Variants in DENND2B observed in about 807,000 individuals in gnomAD.
DENND2B encodes the protein DENN domain-containing protein 2B.
In DENND2B, 32 loss-of-function variants were observed where a neutral mutation model predicts 116.0. The ratio of observed to expected loss-of-function variants is 0.28; its 90% CI spans 0.21 to 0.37. The LOEUF is 0.37. DENND2B is among the 10% of genes least tolerant of loss of function. The probability of loss-of-function intolerance (pLI) is 1.00; values close to 1 mark genes in which losing one functional copy is unlikely to be tolerated. For missense variants in DENND2B, 1,276 were observed against 1,477.7 expected (o/e 0.86, Z 2.24); for synonymous variants, 588 against 583.9 (o/e 1.01, Z -0.10).
Position 8,731,092 on chromosome 11 carries a change from G to A in DENND2B, c.198C>T (p.Leu66=), listed in dbSNP as rs765178616. 1 of 1,610,200 alleles carries A rather than the reference G, an allele frequency of 6.2e-7. No individual in the cohort carries two copies. The highest frequency in any genetic ancestry group is 1.7e-5 in the Admixed American group (1 of 59,768). ...GAGCTGGGGGGTGCCGGTCCTTGAG[G>A]AGCACCCGGGAGCTGGAGTGGCTGG... is the stretch of plus-strand genomic sequence containing the variant. ...RYPSHSSSRV[L]LKDRHPPAPS... is the part of the protein sequence containing the mutation. Residue 66 remains leucine, a synonymous_variant, in exon 3 of 20, where the codon CTC becomes CTT. Coordinates refer to ENST00000313726, the MANE Select transcript of DENND2B (RefSeq NM_213618.2).
rs1366611630 is a variant in DENND2B, at chr11:8,829,433, G to A, written c.-115+9877C>T. ...TAGAAAGGCACCACACTGGAGACCC[G>A]CCAGTCTCCGGGGAGCCCCATTCAG... On this transcript the variant is annotated intron_variant, in intron 4 of 6. Transcript: ENST00000524757. 6.6e-5 allele frequency among the ~76,000 whole-genome samples: 10 copies of A among 152,170 alleles called. No individual in the cohort carries two copies. In the East Asian group the frequency reaches 1.7e-3, roughly 26 times the overall value.
intron 1 of DENND2B, among the ~76,000 whole-genome samples, chr11:8,773,735 G>A (rs1249991901): frequency 6.6e-6 from 1 of 152,008 alleles, no homozygotes; most frequent in Non-Finnish European, 1.5e-5. Flanking sequence ...TGGAAAAAAT[G>A]TCCTCATTCC....
At chr11:8,750,910 G>C (rs1403574857) in intron 1 of DENND2B, among the ~76,000 whole-genome samples, 185 bp from the exon 2 acceptor site, 1 of 152,180 alleles carries the variant, frequency 6.6e-6, no homozygotes, top group Non-Finnish European at 1.5e-5. Flanking sequence ...CCCTGGCCTG[G>C]AATACGGAGG....
chr11:8,761,943 T>A (rs891350893), intron 1 of DENND2B, among the ~76,000 whole-genome samples: 1 of 152,134 alleles, frequency 6.6e-6, no homozygotes, highest in Non-Finnish European at 1.5e-5. Flanking sequence ...AGCCCAGTGC[T>A]ACTGGAAGTC....
At chr11:8,866,855 G>A (rs1352847805) in intron 2 of DENND2B, among the ~76,000 whole-genome samples, 1 of 152,110 alleles carries the variant, frequency 6.6e-6, no homozygotes. Context: ...CCCATGTAGA[G>A]GTCCTGGTGA....
intron 14 of DENND2B, among the ~76,000 whole-genome samples, chr11:8,701,592 C>T (rs980229984): frequency 6.6e-5 from 10 of 152,066 alleles, no homozygotes; most frequent in African/African-American, 9.7e-5. Flanking sequence ...CCACGTGTGT[C>T]GGTGTCGTTT....
At chr11:8,709,981 C>T (rs1211639066) in intron 11 of DENND2B, among the ~76,000 whole-genome samples, 1 of 152,250 alleles carries the variant, frequency 6.6e-6, no homozygotes, top group East Asian at 1.9e-4. Flanking sequence ...CTCTCAATAG[C>T]ACGTGCCTGA....
At chr11:8,734,803 A>AC (rs1460142060) in intron 2 of DENND2B, among the ~76,000 whole-genome samples, 1 of 151,516 alleles carries the variant, frequency 6.6e-6, no homozygotes, top group East Asian at 1.9e-4. Context: ...AAAAAAAAAA[A>AC]AAAAAAAAGA....
intron 2 of DENND2B, among the ~76,000 whole-genome samples, chr11:8,731,804 A>G (rs1257930563): frequency 6.6e-6 from 1 of 152,166 alleles, no homozygotes; most frequent in Non-Finnish European, 1.5e-5. Flanking sequence ...AAATATTCCA[A>G]CTATGGCTGA....
intron 2 of DENND2B, 102 bp downstream of exon 2, chr11:8,750,518 TG>T: frequency 1.0e-6 from 1 of 981,374 alleles, no homozygotes; most frequent in Non-Finnish European, 1.6e-6. Flanking sequence ...ACCAGTCACC[TG>T]GATGACTGTC....
At chr11:8,798,338 A>G (rs2060013085) in intron 1 of DENND2B, among the ~76,000 whole-genome samples, 1 of 151,924 alleles carries the variant, frequency 6.6e-6, no homozygotes, top group South Asian at 2.1e-4. Flanking sequence ...ATTCCCCCTC[A>G]CTCCTTCGCT....
intron 2 of DENND2B, among the ~76,000 whole-genome samples, chr11:8,863,165 A>T (rs2063456583): frequency 6.6e-6 from 1 of 151,804 alleles, no homozygotes; most frequent in African/African-American, 2.4e-5. Context: ...ATAAGTAAGT[A>T]AATTAATTAA....
chr11:8,765,608 T>C (rs2055570910), intron 1 of DENND2B, among the ~76,000 whole-genome samples: 1 of 152,268 alleles, frequency 6.6e-6, no homozygotes, highest in African/African-American at 2.4e-5. Flanking sequence ...AGGTCTGATA[T>C]GCTATGCAGT....
Position 8,710,847 on chromosome 11 carries a change from G to A in DENND2B, c.2350C>T (p.Leu784=). The change falls in exon 11 of 20, where the codon CTG becomes TTG. Residue 784 remains leucine (L), a splice_region_variant and synonymous_variant. Coordinates refer to ENST00000313726, the MANE Select transcript of DENND2B (RefSeq NM_213618.2). The stretch of plus-strand genomic sequence containing the variant: ...GAGGACCGAATGGCCTCACTCACCA[G>A]TAAGCGCCTGCAGTAGCCAAAGCGT... ...SRRFGYCRRL[L]PSGKGPRLPE... The A allele has an allele frequency of 6.2e-7, 1 of 1,613,608 alleles. No homozygotes were observed. Among genetic ancestry groups the A allele is most frequent in the Non-Finnish European group, 8.5e-7 (1 of 1,179,968 alleles).
At chr11:8,813,799 G>T (rs1320465240), upstream of DENND2B, among the ~76,000 whole-genome samples, 3 of 152,104 alleles carry the variant, frequency 2.0e-5, no homozygotes, top group African/African-American at 7.2e-5. Flanking sequence ...GGTTCCTTAG[G>T]GCCTTGTCCT....
rs375273172 is a variant in DENND2B, at chr11:8,770,654, C to T, written c.-25-19929G>A. ...TAATCCCTATAGTCAGTCTATGGAA[C>T]CCAGAACTCACTGGGCTTTTTTTCT... On this transcript the variant is annotated intron_variant, in intron 1 of 19. Coordinates refer to ENST00000313726, the MANE Select transcript of DENND2B (RefSeq NM_213618.2). Among the ~76,000 whole-genome samples, 43 of 152,194 alleles carry T rather than the reference C, an allele frequency of 2.8e-4. 1 individual carries two copies. In the South Asian group the frequency reaches 5.6e-3, roughly 20 times the overall value.
intron 14 of DENND2B, chr11:8,699,725 TA>T (rs2041157157): frequency 9.7e-6 from 4 of 412,854 alleles, no homozygotes; most frequent in Non-Finnish European, 1.9e-5. Flanking sequence ...GTAGGTTTTG[TA>T]AACCCCTAGG....
rs2133850814 is a variant in DENND2B at position 8,718,698 on chromosome 11, G to A, written c.1478-806C>T. 2.6e-6 allele frequency: 3 copies of A among 1,175,606 alleles called. No individual in the cohort carries two copies. The Middle Eastern group carries it at 1.0e-3, about 404-fold the overall frequency. The allele number at this position is 1,175,606 out of a possible 1,614,324, so 72.8% of individuals were successfully genotyped here. ...GGGCCAAAGGGTGGGGGTGAGGGGA[G>A]TTCTTGCTTCTCAGGACTAGTTCTA... On this transcript the variant is annotated intron_variant, in intron 4 of 19. Transcript: ENST00000313726.
chr11:8,697,883 C>G (rs779342090), intron 16 of DENND2B: 24 of 540,226 alleles, frequency 4.4e-5, no homozygotes, highest in Non-Finnish European at 6.1e-5. Flanking sequence ...AATCCCAACA[C>G]TTTGGAAGGC....
Sources: gnomAD v4.1 joint callset for allele counts (sites outside exome capture counted in the v4.1 genomes callset) on GRCh38, gnomAD v4.1.1 for gene constraint, MANE v1.5 for transcripts, NCBI Gene and HGNC (gene_info 2026-07-23, HGNC 2026-07-21) for gene names.